Variants in CDH4 observed in about 807,000 individuals in gnomAD.
CDH4 encodes cadherin-4.
A neutral mutation model predicts 86.0 loss-of-function variants in CDH4; 33 were observed. That is an observed-to-expected ratio of 0.38 (90% CI 0.29 to 0.51). The LOEUF (loss-of-function observed/expected upper bound fraction) is 0.51. Ranked by LOEUF, CDH4 falls within the 20% of genes least tolerant of loss-of-function variation. The probability of loss-of-function intolerance (pLI) is 0.86; values close to 1 mark genes in which losing one functional copy is unlikely to be tolerated. For synonymous variants in CDH4, 555 were observed against 549.4 expected, an observed-to-expected ratio of 1.01 and a Z score of -0.14; for missense variants, 1,114 against 1,307.4, an observed-to-expected ratio of 0.85 and a Z score of 2.28.
chr20:61,739,404 G>A (rs2088305622), intron 2 of CDH4, among the ~76,000 whole-genome samples: 1 of 152,216 alleles, frequency 6.6e-6, no homozygotes, highest in African/African-American at 2.4e-5. Context: ...CCTGACCTCA[G>A]CACACTCACC....
Position 61,731,630 on chromosome 20 carries a change from C to T in CDH4, c.170-11933C>T, listed in dbSNP as rs181239634. Among the ~76,000 whole-genome samples, 60 of 152,306 alleles carry T rather than the reference C, an allele frequency of 3.9e-4. No homozygotes were observed. The East Asian group carries it at 8.5e-3, about 22-fold the overall frequency. ...AGAATCGGAAAAGCGCCGTTTCCAG[C>T]GGGACGCCTCCTGCCAAGCCCAGAA... On this transcript the variant is annotated intron_variant, in intron 2 of 15. Transcript: ENST00000614565.
chr20:61,583,066 G>T (rs1032327725), intron 2 of CDH4, among the ~76,000 whole-genome samples: 1 of 151,282 alleles, frequency 6.6e-6, no homozygotes, highest in Non-Finnish European at 1.5e-5. Context: ...GATGTTCTTG[G>T]TGTTTGTGGT....
At chr20:61,874,375 G>A (rs1983931140) in intron 7 of CDH4, among the ~76,000 whole-genome samples, 1 of 152,208 alleles carries the variant, frequency 6.6e-6, no homozygotes, top group African/African-American at 2.4e-5. Context: ...CACACAGCCT[G>A]AAACCATCAC....
At chr20:61,872,815 G>A (rs150689229) in intron 6 of CDH4, among the ~76,000 whole-genome samples, 3 of 152,342 alleles carry the variant, frequency 2.0e-5, no homozygotes, top group Non-Finnish European at 2.9e-5. Context: ...CTCACAGAGC[G>A]GGGCCTCCAC....
intron 4 of CDH4, among the ~76,000 whole-genome samples, chr20:61,823,437 G>C (rs1360773940): frequency 6.6e-6 from 1 of 151,866 alleles, no homozygotes; most frequent in Non-Finnish European, 1.5e-5. Flanking sequence ...TGGTGGTAGA[G>C]GAAGAGAAAG....
intron 2 of CDH4, among the ~76,000 whole-genome samples, chr20:61,563,093 A>G (rs2086233757): frequency 1.3e-5 from 2 of 152,184 alleles, no homozygotes; most frequent in Admixed American, 1.3e-4. Flanking sequence ...CAGGCTCAGC[A>G]CTGCCCAGCG....
intron 2 of CDH4, among the ~76,000 whole-genome samples, chr20:61,657,357 A>T (rs2087203461): frequency 6.6e-6 from 1 of 152,246 alleles, no homozygotes; most frequent in South Asian, 2.1e-4. Context: ...TCAAATGGTA[A>T]CCTGTACACA....
chr20:61,762,908 A>G (rs950767687), intron 3 of CDH4, among the ~76,000 whole-genome samples: 4 of 152,246 alleles, frequency 2.6e-5, no homozygotes, highest in African/African-American at 9.6e-5. Context: ...GACCATGGCA[A>G]CAGCCAGTAC....
intron 5 of CDH4, among the ~76,000 whole-genome samples, chr20:61,852,266 G>A (rs1982760703): frequency 6.6e-6 from 1 of 152,176 alleles, no homozygotes; most frequent in Non-Finnish European, 1.5e-5. Flanking sequence ...GCCCAGCTCT[G>A]GCCCTTGCAC....
chr20:61,337,495 T>C (rs1326740737), intron 2 of CDH4, among the ~76,000 whole-genome samples: 1 of 151,654 alleles, frequency 6.6e-6, no homozygotes, highest in East Asian at 2.0e-4. Context: ...ACAATGACAA[T>C]GATAAAAACG....
At chr20:61,784,674 C>A in intron 4 of CDH4, among the ~76,000 whole-genome samples, 1 of 95,312 alleles carries the variant, frequency 1.0e-5, no homozygotes, top group East Asian at 3.0e-4. Flanking sequence ...CCTCAGATGT[C>A]CTGTGCCCCC....
intron 8 of CDH4, among the ~76,000 whole-genome samples, chr20:61,901,923 G>T (rs2054731637): frequency 6.6e-6 from 1 of 152,232 alleles, no homozygotes; most frequent in African/African-American, 2.4e-5. Context: ...TGGAAGTAAA[G>T]TTCGCAGTCG....
intron 7 of CDH4, among the ~76,000 whole-genome samples, chr20:61,881,855 A>C (rs1032943565): frequency 2.0e-5 from 3 of 152,242 alleles, no homozygotes; most frequent in Admixed American, 6.5e-5. Flanking sequence ...CTTATCTGGA[A>C]AAGGGGCCTT....
rs139884602 is a variant in CDH4, at chr20:61,280,414, G to A, written c.169+25477G>A. ...GGGGGCGTGTGACGCGTGTGAGGAC[G>A]CCAGGTGTAGGCCGCGGCACACACA... is the stretch of plus-strand genomic sequence containing the variant. On this transcript the variant is annotated intron_variant, in intron 2 of 15. Coordinates refer to ENST00000614565, the MANE Select transcript of CDH4 (RefSeq NM_001794.5). 6.8e-4 allele frequency among the ~76,000 whole-genome samples: 104 copies of A among 152,278 alleles called. 3 individuals carry two copies. The East Asian group carries it at 0.018, about 27-fold the overall frequency.
chr20:61,649,343 C>G (rs1484630250), intron 2 of CDH4, among the ~76,000 whole-genome samples: 2 of 152,256 alleles, frequency 1.3e-5, no homozygotes, highest in East Asian at 3.9e-4. Flanking sequence ...CTGGGCTCCG[C>G]TGCCTGGGGC....
At chr20:61,661,602 C>A (rs1010276201) in intron 2 of CDH4, among the ~76,000 whole-genome samples, 1 of 151,472 alleles carries the variant, frequency 6.6e-6, no homozygotes, top group Non-Finnish European at 1.5e-5. Flanking sequence ...ATCTGACATG[C>A]GTCTTCCCAA....
intron 4 of CDH4, among the ~76,000 whole-genome samples, chr20:61,777,433 C>A (rs1385815511): frequency 6.6e-6 from 1 of 152,256 alleles, no homozygotes; most frequent in African/African-American, 2.4e-5. Context: ...GCATCCCCTT[C>A]AGCTTCCATC....
At chr20:61,487,047 G>A (rs2085600637) in intron 2 of CDH4, among the ~76,000 whole-genome samples, 1 of 152,182 alleles carries the variant, frequency 6.6e-6, no homozygotes, top group Non-Finnish European at 1.5e-5. Context: ...TTTCTCCTAT[G>A]TTATCTTCCA....
At chr20:61,716,365 G>A (rs1230643574) in intron 2 of CDH4, among the ~76,000 whole-genome samples, 1 of 151,606 alleles carries the variant, frequency 6.6e-6, no homozygotes, top group East Asian at 1.9e-4. Flanking sequence ...CTCCTCGCCT[G>A]TGAGCCTCCT....
Sources: allele counts gnomAD v4.1 joint callset (sites outside exome capture counted in the v4.1 genomes callset), GRCh38; gene constraint gnomAD v4.1.1; transcripts MANE v1.5; gene names NCBI Gene and HGNC (gene_info 2026-07-23, HGNC 2026-07-21).